MYLK: variants seen among roughly 807,000 people sequenced by gnomAD.
The protein encoded by MYLK is myosin light chain kinase, smooth muscle.
In MYLK, 106 loss-of-function variants were observed where a neutral mutation model predicts 203.4. That is an observed-to-expected ratio of 0.52 (90% CI 0.45 to 0.61). The LOEUF is 0.61. Among genes scored for constraint, MYLK ranks in the 20% least tolerant of loss-of-function variants. The pLI, the probability that MYLK is intolerant of heterozygous loss-of-function variation, is 0.00. For synonymous variants in MYLK, 867 were observed against 959.5 expected (o/e 0.90, Z 1.78); for missense variants, 2,072 against 2,442.3 (o/e 0.85, Z 3.20).
rs534391108 is a variant in MYLK, at chr3:123,729,999, G to A, written c.1516+2897C>T. ...CCCAGTGCTTTGGGAGGTTGAAGTG[G>A]GAGGATCACTCAAGTCTAGGGGTTT... On this transcript the variant is annotated intron_variant, in intron 11 of 33. Coordinates refer to ENST00000360304, the MANE Select transcript of MYLK (RefSeq NM_053025.4). Among the ~76,000 whole-genome samples the A allele has an allele frequency of 7.2e-4, 109 of 151,904 alleles. 1 individual carries two copies. Among genetic ancestry groups the A allele is most frequent in the Admixed American group, 2.5e-3 (38 of 15,248 alleles).
At chr3:123,775,809 G>T (rs9874031) in intron 4 of MYLK, among the ~76,000 whole-genome samples, 9,233 of 152,198 alleles carry the variant, frequency 0.061, 911 homozygotes, top group African/African-American at 0.21. Flanking sequence ...GTGAAAGTCA[G>T]TGAACCTCTG....
intron 3 of MYLK, among the ~76,000 whole-genome samples, chr3:123,812,811 T>C (rs995141457): frequency 6.6e-6 from 1 of 152,192 alleles, no homozygotes; most frequent in African/African-American, 2.4e-5. Flanking sequence ...AGGAGATACT[T>C]TGTGAAGGTC....
chr3:123,807,434 C>CA lies in MYLK; in HGVS notation c.-3-13591dup, dbSNP rs1395024499. 1.1e-3 allele frequency among the ~76,000 whole-genome samples: 148 copies of CA among 133,130 alleles called. 1 individual carries two copies. The highest frequency in any genetic ancestry group is 3.7e-3 in the Admixed American group (50 of 13,424). 87.3% of individuals were successfully genotyped at this position (133,130 alleles called of 152,430 possible). On this transcript the variant is annotated intron_variant, in intron 3 of 33. Transcript: ENST00000360304. ...ATGGAGTGAAACTCCATCCCCCCAC[C>CA]AAAAAAAAAAAAGCTATGTTAAATC... is the stretch of plus-strand genomic sequence containing the variant.
In MYLK at chr3:123,626,856, C is replaced by T. The variant is rs759881799; in HGVS notation, c.5200G>A (p.Asp1734Asn). 6.2e-7 allele frequency: 1 copy of T among 1,614,194 alleles called. No individual in the cohort carries two copies. Among genetic ancestry groups the T allele is most frequent in the Non-Finnish European group, 8.5e-7 (1 of 1,180,046 alleles). ...CTTGCCATGTACTTCTTCATCCGGT[C>T]CTTGGAGAGTTTCTTGGCCTCCATG... is the stretch of plus-strand genomic sequence containing the variant. Reference protein sequence around the residue: ...KNMEAKKLSKDRMKKYMARRK... With the variant: ...KNMEAKKLSKNRMKKYMARRK... The change falls in exon 31 of 34, where the codon GAC (aspartate) becomes AAC (asparagine). Residue 1734 changes from aspartate to asparagine, a missense_variant. Asp to Asn is a conservative substitution (Grantham distance 23). Coordinates refer to ENST00000360304, the MANE Select transcript of MYLK (RefSeq NM_053025.4).
intron 23 of MYLK, among the ~76,000 whole-genome samples, chr3:123,659,957 C>T (rs1236052318): frequency 6.6e-6 from 1 of 152,218 alleles, no homozygotes; most frequent in Non-Finnish European, 1.5e-5. Context: ...TCCTGTCCTA[C>T]AGCTTCCCAC....
In MYLK at chr3:123,752,323, G is replaced by C; in HGVS notation, c.373+8C>G. The C allele has an allele frequency of 6.2e-7, 1 of 1,613,720 alleles. No individual in the cohort carries two copies. The highest frequency in any genetic ancestry group is 8.5e-7 in the Non-Finnish European group (1 of 1,180,010). On this transcript the variant is annotated splice_region_variant and intron_variant, in intron 5 of 33. Coordinates refer to ENST00000360304, the MANE Select transcript of MYLK (RefSeq NM_053025.4). The stretch of plus-strand genomic sequence containing the variant: ...CTCCCTCCTGGACTCGGGCCTCCTG[G>C]GACTCACCTTCTACTGTCAACTCCA...
chr3:123,719,953 G>A (rs2332579), intron 13 of MYLK, among the ~76,000 whole-genome samples: 2 of 152,228 alleles, frequency 1.3e-5, no homozygotes, highest in Admixed American at 6.5e-5. Flanking sequence ...TCAGGGCACC[G>A]TGCCAGGGGG....
intron 12 of MYLK, 90 bp from the exon 13 acceptor site, chr3:123,722,370 C>G: frequency 8.5e-7 from 1 of 1,172,710 alleles, no homozygotes; most frequent in Non-Finnish European, 1.2e-6. Context: ...GCTGTCATGA[C>G]GCTGAGACTT....
At chr3:123,809,771 G>A (rs2065492002) in intron 3 of MYLK, among the ~76,000 whole-genome samples, 1 of 152,150 alleles carries the variant, frequency 6.6e-6, no homozygotes, top group Non-Finnish European at 1.5e-5. Flanking sequence ...TGCTAGTGAT[G>A]AGCTAAGCCT....
rs181962327 is a variant in MYLK, at chr3:123,752,336, A to G, written c.368T>C (p.Val123Ala). The part of the protein sequence containing the change: ...GARQVTVELT[V>A]EGSFAKQLGQ... ...TCGGGCCTCCTGGGACTCACCTTCT[A>G]CTGTCAACTCCACTGTCACCTGGCG... The change falls in exon 5 of 34, where the codon GTA (valine) becomes GCA (alanine). Residue 123 changes from valine to alanine, a missense_variant. By Grantham distance (64) the Val-to-Ala change is moderately conservative. Transcript: ENST00000360304. The G allele has an allele frequency of 1.2e-6, 2 of 1,613,870 alleles. No individual in the cohort carries two copies. The highest frequency in any genetic ancestry group is 2.2e-5 in the East Asian group (1 of 44,850).
intron 32 of MYLK, among the ~76,000 whole-genome samples, chr3:123,619,181 G>C (rs2057701451): frequency 6.6e-6 from 1 of 152,192 alleles, no homozygotes; most frequent in African/African-American, 2.4e-5. Context: ...CTTTTTACAA[G>C]GGAGGAGTCA....
At chr3:123,773,818 C>G (rs1270402343) in intron 4 of MYLK, among the ~76,000 whole-genome samples, 1 of 152,216 alleles carries the variant, frequency 6.6e-6, no homozygotes. Flanking sequence ...GCAGCCCACA[C>G]CCCTGCCACG....
intron 2 of MYLK, among the ~76,000 whole-genome samples, chr3:123,850,402 C>A (rs1451622879): frequency 7.2e-5 from 11 of 152,184 alleles, no homozygotes; most frequent in Non-Finnish European, 1.2e-4. Flanking sequence ...CTCTCTAGCA[C>A]CTGTTGTTTC....
At chr3:123,738,823 C>T (rs1214277749) in intron 7 of MYLK, 74 bp downstream of exon 7, 43 of 1,535,726 alleles carry the variant, frequency 2.8e-5, no homozygotes, top group African/African-American at 4.1e-5. Flanking sequence ...TACCCAGTCT[C>T]GGGTATGTCT....
At chr3:123,826,465 C>G (rs550035138) in intron 3 of MYLK, among the ~76,000 whole-genome samples, 1 of 152,330 alleles carries the variant, frequency 6.6e-6, no homozygotes, top group African/African-American at 2.4e-5. Flanking sequence ...AGCTGTGTCA[C>G]AAGCATAAGA....
At chr3:123,762,104 G>A (rs1560185380) in intron 4 of MYLK, among the ~76,000 whole-genome samples, 1 of 152,150 alleles carries the variant, frequency 6.6e-6, no homozygotes, top group Admixed American at 6.5e-5. Flanking sequence ...TAAGTCATAA[G>A]AAAGCAGGCC....
chr3:123,807,532 T>C (rs1390018515), intron 3 of MYLK, among the ~76,000 whole-genome samples: 1 of 152,242 alleles, frequency 6.6e-6, no homozygotes, highest in African/African-American at 2.4e-5. Context: ...CTTAGATTTT[T>C]ATTGTCATGA....
In MYLK at chr3:123,733,848, G is replaced by C; in HGVS notation, c.1148C>G (p.Pro383Arg). 1 of 1,614,100 alleles carries C rather than the reference G, an allele frequency of 6.2e-7. No homozygotes were observed. ...RPAPPRPATF[P>R]TRQPGLGSQD... Reference sequence around the variant, plus strand: ...GCTCCCCAGGCCAGGCTGCCTGGTGGGGAAGGTGGCTGGACGGGGAGGAGC... The same window carrying C: ...GCTCCCCAGGCCAGGCTGCCTGGTGCGGAAGGTGGCTGGACGGGGAGGAGC... Residue 383 changes from proline (P) to arginine (R), a missense_variant, in exon 10 of 34, where the codon CCC becomes CGC. Pro to Arg is a moderately radical substitution (Grantham distance 103). Coordinates refer to ENST00000360304, the MANE Select transcript of MYLK (RefSeq NM_053025.4).
chr3:123,813,266 T>C (rs1169727805), intron 3 of MYLK, among the ~76,000 whole-genome samples: 1 of 152,188 alleles, frequency 6.6e-6, no homozygotes, highest in Non-Finnish European at 1.5e-5. Flanking sequence ...CTTCTGCTTA[T>C]TGAGATTTTA....
Sources: gnomAD v4.1 joint callset for allele counts (sites outside exome capture counted in the v4.1 genomes callset) on GRCh38, gnomAD v4.1.1 for gene constraint, MANE v1.5 for transcripts, NCBI Gene and HGNC (gene_info 2026-07-23, HGNC 2026-07-21) for gene names.